The following MEGF8 variants were observed in gnomAD, a reference collection of about 807,000 sequenced individuals.
MEGF8 encodes the protein multiple EGF like domains 8.
MEGF8 carries 156 observed loss-of-function variants against 302.9 expected under a neutral mutation model. The observed-to-expected ratio is 0.52, with a 90% CI of 0.45 to 0.59. The LOEUF (loss-of-function observed/expected upper bound fraction) is 0.59, where lower values mean the gene tolerates loss of function less well. Ranked by LOEUF, MEGF8 falls within the 20% of genes least tolerant of loss-of-function variation. The probability of loss-of-function intolerance (pLI) is 0.00; values close to 1 mark genes in which losing one functional copy is unlikely to be tolerated. For synonymous variants in MEGF8, 1,621 were observed against 1,660.5 expected, an observed-to-expected ratio of 0.98 and a Z score of 0.58; for missense variants, 3,345 against 3,964.5, an observed-to-expected ratio of 0.84 and a Z score of 4.20.
rs751406034 is a variant in MEGF8, at chr19:42,360,833, C to T, written c.5547C>T (p.Val1849=). ...EESVAHAVAA[V]GSRLYISGGF... ...CTGTGGCCCATGCTGTGGCAGCAGT[C>T]GGGAGCCGCCTGTATATCTCTGGGG... The change falls in exon 32 of 42, where the codon GTC becomes GTT. Residue 1849 remains valine (V), a synonymous_variant. Coordinates refer to ENST00000251268, the MANE Select transcript of MEGF8 (RefSeq NM_001271938.2). 3.7e-6 allele frequency: 6 copies of T among 1,609,152 alleles called. No individual in the cohort carries two copies. In the Admixed American group the frequency reaches 5.1e-5, roughly 14 times the overall value.
At chr19:42,372,017 G>A (rs1041732336) in intron 41 of MEGF8, among the ~76,000 whole-genome samples, 6 of 147,644 alleles carry the variant, frequency 4.1e-5, no homozygotes, top group Non-Finnish European at 7.4e-5. Flanking sequence ...CCAGGAGGTC[G>A]AGGCTGCAGG....
Position 42,376,680 on chromosome 19 carries a change from G to A in MEGF8, c.8443G>A (p.Gly2815Arg). Residue 2815 changes from glycine to arginine, a missense_variant, in exon 42 of 42, where the codon GGG becomes AGG. Gly to Arg is a moderately radical substitution (Grantham distance 125). Transcript: ENST00000251268. This position sits in a 1 kb window ranked among gnomAD's most constrained non-coding sequence, Gnocchi z 8.2. ...TLRHRLHEYCGGGGGAGGSGH... is the reference protein window; with the variant it reads ...TLRHRLHEYCRGGGGAGGSGH... ...GCGGCACAGGCTGCACGAGTACTGT[G>A]GGGGTGGTGGGGGTGCTGGGGGCAG... 6.6e-7 allele frequency: 1 copy of A among 1,517,416 alleles called. No individual in the cohort carries two copies. Among genetic ancestry groups the A allele is most frequent in the Non-Finnish European group, 8.8e-7 (1 of 1,132,652 alleles). 94.0% of individuals were successfully genotyped at this position (1,517,416 alleles called of 1,614,324 possible). A position where few individuals can be genotyped will look rare whatever the true frequency, so the allele number is the denominator to read the frequency against.
intron 8 of MEGF8, among the ~76,000 whole-genome samples, chr19:42,342,198 G>T (rs1415394489): frequency 6.6e-6 from 1 of 152,236 alleles, no homozygotes; most frequent in Non-Finnish European, 1.5e-5. Flanking sequence ...TTCGCAGTTT[G>T]TGATTACCTG....
At chr19:42,337,599 G>A (rs1344986002) in intron 8 of MEGF8, among the ~76,000 whole-genome samples, 5 of 144,772 alleles carry the variant, frequency 3.5e-5, no homozygotes, top group Non-Finnish European at 4.5e-5. Flanking sequence ...TCCACCCCCC[G>A]GGTTTCACGC....
chr19:42,353,864 G>T lies in MEGF8; in HGVS notation c.3851G>T (p.Gly1284Val). The T allele has an allele frequency of 6.2e-7, 1 of 1,603,078 alleles. No individual in the cohort carries two copies. The highest frequency in any genetic ancestry group is 8.5e-7 in the Non-Finnish European group (1 of 1,175,138). The change falls in exon 22 of 42, where the codon GGG (glycine) becomes GTG (valine). Residue 1284 changes from glycine to valine, a missense_variant. Gly to Val is a moderately radical substitution (Grantham distance 109). Transcript: ENST00000251268. This position sits in a 1 kb window ranked among gnomAD's most constrained non-coding sequence, Gnocchi z 6.1. ...SVALGSRRVG[G>V]LLPPGGGAAR... is the part of the protein sequence containing the mutation. ...GCACTGGGCTCACGCCGGGTCGGGGGGCTGCTGCCTCCAGGTGGCGGGGCT... is the reference window on the plus strand; with the variant it reads ...GCACTGGGCTCACGCCGGGTCGGGGTGCTGCTGCCTCCAGGTGGCGGGGCT...
chr19:42,333,967 A>G, intron 2 of MEGF8, 40 bp from the exon 3 acceptor site: 1 of 1,588,088 alleles, frequency 6.3e-7, no homozygotes, highest in Non-Finnish European at 8.6e-7. Context: ...GACAATCCCC[A>G]GGCCCTGCCC....
In MEGF8 at chr19:42,376,022, G is replaced by A. The variant is rs374927201; in HGVS notation, c.7785G>A (p.Arg2595=). 15 of 1,605,034 alleles carry A rather than the reference G, an allele frequency of 9.3e-6. No homozygotes were observed. The highest frequency in any genetic ancestry group is 3.4e-6 in the Non-Finnish European group (4 of 1,177,774). Residue 2595 remains arginine (R), a synonymous_variant, in exon 42 of 42, where the codon CGG becomes CGA. Coordinates refer to ENST00000251268, the MANE Select transcript of MEGF8 (RefSeq NM_001271938.2). This position sits in a 1 kb window ranked among gnomAD's most constrained non-coding sequence, Gnocchi z 8.2. ...AVLVVRGVRD[R]LVITYPHEHH... is the part of the protein sequence containing the mutation. ...TGGTGGTCCGCGGCGTGCGGGACCG[G>A]CTGGTCATCACCTACCCACACGAGC...
intron 34 of MEGF8, 118 bp from the exon 35 acceptor site, chr19:42,362,930 G>GGC: frequency 2.3e-6 from 2 of 864,098 alleles, no homozygotes; most frequent in Non-Finnish European, 3.6e-6. Context: ...AGGGGCTGGG[G>GGC]CTGGATTCCT....
rs150940603 is a variant in MEGF8, at chr19:42,370,285, C to T, written c.6931C>T (p.His2311Tyr). The T allele has an allele frequency of 2.5e-5, 41 of 1,613,628 alleles. No homozygotes were observed. In the African/African-American group the frequency reaches 4.9e-4, roughly 19 times the overall value. The change falls in exon 39 of 42, where the codon CAC becomes TAC. Residue 2311 changes from histidine (H) to tyrosine (Y), a missense_variant. Physicochemically the swap from His to Tyr is moderately conservative, Grantham distance 83. Coordinates refer to ENST00000251268, the MANE Select transcript of MEGF8 (RefSeq NM_001271938.2). ...CCACGCCTTTTGTCGTGGAAATAGC[C>T]ACATCTGCATCTCCAGGAAGGAGTT... ...PCHAFCRGNS[H>Y]ICISRKELQM...
Position 42,356,320 on chromosome 19 carries a change from C to T in MEGF8, c.4504-15C>T, listed in dbSNP as rs758208003. 37 of 1,606,664 alleles carry T rather than the reference C, an allele frequency of 2.3e-5. No individual in the cohort carries two copies. Among genetic ancestry groups the T allele is most frequent in the South Asian group, 5.6e-5 (5 of 89,562 alleles). ...TGACCCTAGCCTGATCCCCAATGTC[C>T]GCACCCACCCCTAGGACACTGCCAG... On this transcript the variant is annotated splice_polypyrimidine_tract_variant and intron_variant, in intron 25 of 41. Coordinates refer to ENST00000251268, the MANE Select transcript of MEGF8 (RefSeq NM_001271938.2). This position sits in a 1 kb window ranked among gnomAD's most constrained non-coding sequence, Gnocchi z 5.2.
Position 42,358,975 on chromosome 19 carries a change from G to C in MEGF8, c.5343+21G>C. ...AGGAGGTGAGATTTGAAGAGGGTTA[G>C]GATTGGGTGGGCTGGTAGGGGGGGA... is the stretch of plus-strand genomic sequence containing the variant. On this transcript the variant is annotated intron_variant, in intron 30 of 41. Coordinates refer to ENST00000251268, the MANE Select transcript of MEGF8 (RefSeq NM_001271938.2). This position sits in a 1 kb window ranked among gnomAD's most constrained non-coding sequence, Gnocchi z 4.4. 1 of 1,603,486 alleles carries C rather than the reference G, an allele frequency of 6.2e-7. No homozygotes were observed. Among genetic ancestry groups the C allele is most frequent in the Non-Finnish European group, 8.5e-7 (1 of 1,175,510 alleles).
Position 42,369,494 on chromosome 19 carries a change from G to C in MEGF8, c.6642-37G>C, listed in dbSNP as rs749069617. 2 of 1,582,120 alleles carry C rather than the reference G, an allele frequency of 1.3e-6. No individual in the cohort carries two copies. Among genetic ancestry groups the C allele is most frequent in the African/African-American group, 2.7e-5 (2 of 74,522 alleles). ...GCTAGGCCATGAAGCCACGAGGAGGGTGGCCACCTGCCCTGACCCCCACTT... is the reference window on the plus strand; with the variant it reads ...GCTAGGCCATGAAGCCACGAGGAGGCTGGCCACCTGCCCTGACCCCCACTT... On this transcript the variant is annotated intron_variant, in intron 37 of 41. Coordinates refer to ENST00000251268, the MANE Select transcript of MEGF8 (RefSeq NM_001271938.2). The surrounding 1 kb of genome is among the most constrained non-coding windows in gnomAD (Gnocchi z 5.7).
chr19:42,355,428 G>A (rs2039436948), intron 23 of MEGF8, among the ~76,000 whole-genome samples: 1 of 152,134 alleles, frequency 6.6e-6, no homozygotes, highest in African/African-American at 2.4e-5. Flanking sequence ...CCCAATTCAC[G>A]TTTTGAGGAT....
intron 15 of MEGF8, among the ~76,000 whole-genome samples, chr19:42,350,668 G>A (rs2039355822): frequency 6.6e-6 from 1 of 152,200 alleles, no homozygotes; most frequent in South Asian, 2.1e-4. Flanking sequence ...CTTCAGGCCT[G>A]CCACCTCCAA....
In MEGF8 at chr19:42,376,037, C is replaced by A; in HGVS notation, c.7800C>A (p.Tyr2600Ter). Residue 2600 changes from tyrosine to a stop codon, truncating the protein, a stop_gained, in exon 42 of 42, where the codon TAC becomes TAA. Transcript: ENST00000251268. LOFTEE classifies it high-confidence loss of function. The surrounding 1 kb of genome is among the most constrained non-coding windows in gnomAD (Gnocchi z 8.2). The stretch of plus-strand genomic sequence containing the variant: ...TGCGGGACCGGCTGGTCATCACCTA[C>A]CCACACGAGCACCATGCCCTCAAGT... ...RGVRDRLVIT[Y>*]PHEHHALKSS... 6.2e-7 allele frequency: 1 copy of A among 1,604,056 alleles called. No individual in the cohort carries two copies. Among genetic ancestry groups the A allele is most frequent in the Non-Finnish European group, 8.5e-7 (1 of 1,177,696 alleles).
At chr19:42,367,790 C>T (rs2147505283) in intron 35 of MEGF8, among the ~76,000 whole-genome samples, 1 of 152,292 alleles carries the variant, frequency 6.6e-6, no homozygotes, top group Admixed American at 6.5e-5. Context: ...TTCTATCTGT[C>T]TTTAGGGCAC....
At position 42,349,052 on chromosome 19, in the gene MEGF8, C is replaced by G. The variant is rs1347904750; in HGVS notation, c.2299-447C>G. ...TGGAGGTGTACACCTGTAATCCCAG[C>G]CCTTTGGGAGGTAGGGGCAGGTGGA... On this transcript the variant is annotated intron_variant, in intron 13 of 41. Coordinates refer to ENST00000251268, the MANE Select transcript of MEGF8 (RefSeq NM_001271938.2). Among the ~76,000 whole-genome samples, 7 of 152,120 alleles carry G rather than the reference C, an allele frequency of 4.6e-5. 1 individual carries two copies. The highest frequency in any genetic ancestry group is 1.4e-4 in the African/African-American group (6 of 41,404).
chr19:42,333,812 A>G, intron 2 of MEGF8, 44 bp downstream of exon 2: 3 of 1,603,696 alleles, frequency 1.9e-6, no homozygotes, highest in Non-Finnish European at 2.6e-6. Flanking sequence ...AGGGAAATGG[A>G]AGAAGAAAGG....
At chr19:42,334,485 C>T (rs1297056484) in intron 3 of MEGF8, among the ~76,000 whole-genome samples, 1 of 152,144 alleles carries the variant, frequency 6.6e-6, no homozygotes, top group African/African-American at 2.4e-5. Context: ...CTCCTTCCTC[C>T]AGCCAGGCCC....
Sources: gnomAD v4.1 joint callset for allele counts (sites outside exome capture counted in the v4.1 genomes callset) on GRCh38, gnomAD v4.1.1 for gene constraint, Gnocchi (gnomAD v3.1) non-coding constraint, MANE v1.5 for transcripts, NCBI Gene and HGNC (gene_info 2026-07-23, HGNC 2026-07-21) for gene names.